N4BP2: variants seen among roughly 807,000 people sequenced by gnomAD.
The protein encoded by N4BP2 is NEDD4 binding protein 2, also known as NEDD4-binding protein 2.
Under a neutral mutation model 152.8 loss-of-function variants are expected in N4BP2, and 91 were observed. The observed-to-expected ratio is 0.60, with a 90% CI of 0.50 to 0.71. N4BP2 has a LOEUF of 0.71. N4BP2 is among the 30% of genes least tolerant of loss of function. The probability of loss-of-function intolerance (pLI) is 0.00; values close to 1 mark genes in which losing one functional copy is unlikely to be tolerated. For synonymous variants in N4BP2, 646 were observed against 705.3 expected, an observed-to-expected ratio of 0.92 and a Z score of 1.33; for missense variants, 1,923 against 2,059.1, an observed-to-expected ratio of 0.93 and a Z score of 1.28.
At chr4:40,171,853 T>G in the N4BP2 span, among the ~76,000 whole-genome samples, 1 of 152,094 alleles carries the variant, frequency 6.6e-6, no homozygotes, top group Admixed American at 6.5e-5. Context: ...AGTCTGATGT[T>G]CGAGGGCAGG....
chr4:40,153,304 T>C (rs1355667422), intron 17 of N4BP2, among the ~76,000 whole-genome samples: 4 of 151,752 alleles, frequency 2.6e-5, no homozygotes, highest in Admixed American at 2.6e-4. Context: ...TAAGATTTGC[T>C]ATTATTCTTT....
chr4:40,069,453 T>G (rs900732176), intron 1 of N4BP2, among the ~76,000 whole-genome samples: 4 of 152,184 alleles, frequency 2.6e-5, no homozygotes, highest in Non-Finnish European at 4.4e-5. Context: ...TCCTTTCATT[T>G]TAAACTCACT....
chr4:40,063,981 CA>C (rs1439719539), intron 1 of N4BP2, among the ~76,000 whole-genome samples: 8 of 151,356 alleles, frequency 5.3e-5, no homozygotes, highest in East Asian at 3.9e-4. Context: ...GGTGGGGCGG[CA>C]GGGGGGGGTC....
Position 40,088,473 on chromosome 4 carries a change from A to G in N4BP2, c.-114-8754A>G, listed in dbSNP as rs931811544. On this transcript the variant is annotated intron_variant, in intron 2 of 17. Coordinates refer to ENST00000261435, the MANE Select transcript of N4BP2 (RefSeq NM_018177.6). ...TTGTACCTGTTTTTTATTTTAGTCA[A>G]TTTGATAGGTAAGTAATATCTCATT... 2.0e-5 allele frequency among the ~76,000 whole-genome samples: 3 copies of G among 148,240 alleles called. No individual in the cohort carries two copies. In the Admixed American group the frequency reaches 2.0e-4, roughly 10 times the overall value.
the N4BP2 span, among the ~76,000 whole-genome samples, chr4:40,180,005 C>G: frequency 6.6e-6 from 1 of 152,044 alleles, no homozygotes; most frequent in Non-Finnish European, 1.5e-5. Flanking sequence ...CTCAGGTGAT[C>G]CGCCCACCTC....
intron 12 of N4BP2, among the ~76,000 whole-genome samples, chr4:40,131,051 T>G (rs62302134): frequency 6.6e-6 from 1 of 152,098 alleles, no homozygotes; most frequent in African/African-American, 2.4e-5. Context: ...AAAAAAAAAT[T>G]GTGAATTCCA....
chr4:40,122,365 G>A, intron 9 of N4BP2, 56 bp downstream of exon 9: 1 of 1,202,000 alleles, frequency 8.3e-7, no homozygotes, highest in Non-Finnish European at 1.1e-6. Flanking sequence ...ACTACAGAGG[G>A]TTCTATTTTG....
At chr4:40,058,976 A>C (rs1733439033) in intron 1 of N4BP2, among the ~76,000 whole-genome samples, 1 of 152,078 alleles carries the variant, frequency 6.6e-6, no homozygotes, top group South Asian at 2.1e-4. Context: ...GAAAGCCACT[A>C]CGCCCGGCTA....
intron 2 of N4BP2, among the ~76,000 whole-genome samples, chr4:40,096,429 G>A (rs1715112208): frequency 6.6e-6 from 1 of 152,156 alleles, no homozygotes; most frequent in Non-Finnish European, 1.5e-5. Flanking sequence ...GAAGAAGAGT[G>A]AGGAGACTTA....
intron 4 of N4BP2, among the ~76,000 whole-genome samples, chr4:40,104,403 T>C (rs1246593248): frequency 6.1e-5 from 4 of 65,122 alleles, no homozygotes; most frequent in Admixed American, 2.0e-4. Context: ...CATAAACTTA[T>C]TTTTAGTTTT....
chr4:40,060,220 TAATC>T (rs1198273117), intron 1 of N4BP2, among the ~76,000 whole-genome samples: 1 of 152,146 alleles, frequency 6.6e-6, no homozygotes, highest in Non-Finnish European at 1.5e-5. Context: ...AGATTGTGGT[TAATC>T]AATTCTATCT....
At chr4:40,130,180 C>A (rs1718788725) in intron 12 of N4BP2, among the ~76,000 whole-genome samples, 1 of 151,672 alleles carries the variant, frequency 6.6e-6, no homozygotes, top group African/African-American at 2.4e-5. Flanking sequence ...CGCACATCAC[C>A]ACACCTGGCC....
At chr4:40,081,726 A>G (rs1480838701) in intron 2 of N4BP2, among the ~76,000 whole-genome samples, 4 of 152,198 alleles carry the variant, frequency 2.6e-5, no homozygotes, top group African/African-American at 9.6e-5. Context: ...CTTTAATCCC[A>G]GCATTTTGGG....
chr4:40,150,199 T>C (rs888569814), intron 16 of N4BP2, among the ~76,000 whole-genome samples: 2 of 152,260 alleles, frequency 1.3e-5, no homozygotes, highest in Non-Finnish European at 2.9e-5. Flanking sequence ...CTGGACCTTA[T>C]GTCCCTTCTG....
the N4BP2 span, among the ~76,000 whole-genome samples, chr4:40,185,297 T>C: frequency 2.6e-5 from 4 of 152,338 alleles, no homozygotes; most frequent in Admixed American, 6.5e-5. Flanking sequence ...AAGATGTTGC[T>C]AATAATAGCA....
the N4BP2 span, among the ~76,000 whole-genome samples, chr4:40,165,414 AATTTTTGT>A: frequency 6.6e-6 from 1 of 152,152 alleles, no homozygotes; most frequent in Admixed American, 6.5e-5. Context: ...ATGTCTGGCG[AATTTTTGT>A]ATTTATAGTA....
chr4:40,114,263 C>CT (rs1717159015), intron 7 of N4BP2, among the ~76,000 whole-genome samples: 1 of 151,984 alleles, frequency 6.6e-6, no homozygotes, highest in Admixed American at 6.6e-5. Context: ...TTTCAACTAA[C>CT]TTTAGTACTA....
At chr4:40,140,581 C>CT (rs112650568) in intron 14 of N4BP2, among the ~76,000 whole-genome samples, 12,305 of 151,566 alleles carry the variant, frequency 0.081, 906 homozygotes, top group East Asian at 0.4. Flanking sequence ...CACTTATTCT[C>CT]TTTTTTTTTA....
intron 17 of N4BP2, among the ~76,000 whole-genome samples, chr4:40,153,395 A>G (rs1477329071): frequency 6.6e-6 from 1 of 152,200 alleles, no homozygotes; most frequent in East Asian, 1.9e-4. Flanking sequence ...AGGTACGTTT[A>G]AACTTTAGCA....
Sources: gnomAD v4.1 joint callset for allele counts (sites outside exome capture counted in the v4.1 genomes callset) on GRCh38, gnomAD v4.1.1 for gene constraint, MANE v1.5 for transcripts, NCBI Gene and HGNC (gene_info 2026-07-23, HGNC 2026-07-21) for gene names.